The following FGF6 variants were observed in gnomAD, a reference collection of about 807,000 sequenced individuals.
The protein encoded by FGF6 is fibroblast growth factor 6, also known as FGF-6.
In FGF6, 14 loss-of-function variants were observed where a neutral mutation model predicts 18.4. The ratio of observed to expected loss-of-function variants is 0.76; its 90% CI spans 0.50 to 1.19. FGF6 has a LOEUF of 1.19. Ranked by LOEUF, FGF6 falls within the 50% of genes most tolerant of loss-of-function variation. FGF6 has a pLI of 0.00. For missense variants in FGF6, 266 were observed against 271.6 expected, an observed-to-expected ratio of 0.98 and a Z score of 0.15; for synonymous variants, 125 against 116.7, an observed-to-expected ratio of 1.07 and a Z score of -0.46.
At chr12:4,442,894 C>T (rs1260825237) in intron 2 of FGF6, among the ~76,000 whole-genome samples, 1 of 152,238 alleles carries the variant, frequency 6.6e-6, no homozygotes, top group Non-Finnish European at 1.5e-5. Context: ...GCCTGTTCCT[C>T]AGAAACACCT....
chr12:4,439,880 T>G (rs952082710), intron 2 of FGF6, among the ~76,000 whole-genome samples: 1 of 152,196 alleles, frequency 6.6e-6, no homozygotes, highest in African/African-American at 2.4e-5. Context: ...TCTGTGGGGT[T>G]TGGAAGGCCA....
rs756639377 is a variant in FGF6 at position 4,434,263 on chromosome 12, G to C, written c.579C>G (p.Ser193Arg). Residue 193 changes from serine (S) to arginine (R), a missense_variant, in exon 3 of 3, where the codon AGC becomes AGG. Ser to Arg is a moderately radical substitution (Grantham distance 110). Transcript: ENST00000228837. ...LSKYGRVKRG[S>R]KVSPIMTVTH... ...TGACAGTCATGATCGGGGACACCTTGCTGCCCCGCTTTACCCGTCCGTATT... is the reference window on the plus strand; with the variant it reads ...TGACAGTCATGATCGGGGACACCTTCCTGCCCCGCTTTACCCGTCCGTATT... 13 of 1,614,218 alleles carry C rather than the reference G, an allele frequency of 8.1e-6. No individual in the cohort carries two copies. The South Asian group carries it at 1.3e-4, about 16-fold the overall frequency.
intron 2 of FGF6, among the ~76,000 whole-genome samples, chr12:4,440,348 C>T (rs995379169): frequency 1.3e-5 from 2 of 152,184 alleles, no homozygotes; most frequent in Non-Finnish European, 2.9e-5. Context: ...GCCTTTAGAG[C>T]TAAGTCACTT....
intron 1 of FGF6, among the ~76,000 whole-genome samples, chr12:4,444,921 C>T (rs1334159248): frequency 6.6e-6 from 1 of 152,220 alleles, no homozygotes; most frequent in East Asian, 1.9e-4. Flanking sequence ...CTACCCAGGC[C>T]TTGGGGGCTT....
At chr12:4,437,972 A>C (rs1446589715) in intron 2 of FGF6, among the ~76,000 whole-genome samples, 1 of 152,206 alleles carries the variant, frequency 6.6e-6, no homozygotes, top group Non-Finnish European at 1.5e-5. Context: ...TACTTGAAAA[A>C]TATTACCTTA....
rs561638090 is a variant in FGF6 at position 4,440,771 on chromosome 12, T to C, written c.450+3362A>G. On this transcript the variant is annotated intron_variant, in intron 2 of 2. Coordinates refer to ENST00000228837, the MANE Select transcript of FGF6 (RefSeq NM_020996.3). ...CACCTCCCGCTGCTCTCCAGCCCCA[T>C]CTCCCAGCACTTCCTCATGGTGGGT... 2.0e-5 allele frequency among the ~76,000 whole-genome samples: 3 copies of C among 152,300 alleles called. No homozygotes were observed. In the South Asian group the frequency reaches 6.2e-4, roughly 32 times the overall value.
intron 1 of FGF6, among the ~76,000 whole-genome samples, chr12:4,444,954 G>A (rs1434019045): frequency 6.6e-6 from 1 of 152,110 alleles, no homozygotes; most frequent in Non-Finnish European, 1.5e-5. Context: ...GTTCCTAATG[G>A]TCTTACAAGG....
Position 4,445,529 on chromosome 12 carries a change from TC to T in FGF6, c.41del (p.Gly14GlufsTer15). On this transcript the variant is annotated frameshift_variant, in exon 1 of 3. Coordinates refer to ENST00000228837, the MANE Select transcript of FGF6 (RefSeq NM_020996.3). LOFTEE classifies it high-confidence loss of function. This position sits in a 1 kb window ranked among gnomAD's most constrained non-coding sequence, Gnocchi z 5.5. ...GQKLFITMSR[G>X]AGRLQGTLWA... ...ACAGCGTGCCCTGCAGACGTCCTGC[TC>T]CCCGGGACATAGTGATGAACAGTTT... The T allele has an allele frequency of 6.2e-7, 1 of 1,609,730 alleles. No individual in the cohort carries two copies.
At chr12:4,434,649 T>C (rs1301625776) in intron 2 of FGF6, among the ~76,000 whole-genome samples, 3 of 152,152 alleles carry the variant, frequency 2.0e-5, no homozygotes, top group Non-Finnish European at 2.9e-5. Context: ...ACACAGGGGA[T>C]GGTCTGTGCC....
At chr12:4,438,022 C>T (rs946238798) in intron 2 of FGF6, among the ~76,000 whole-genome samples, 14 of 151,976 alleles carry the variant, frequency 9.2e-5, no homozygotes, top group African/African-American at 3.1e-4. Context: ...AAAATACATA[C>T]AATACACATA....
At chr12:4,443,987 G>T (rs1242787379) in intron 2 of FGF6, 146 bp downstream of exon 2, 25 of 599,730 alleles carry the variant, frequency 4.2e-5, no homozygotes, top group Middle Eastern at 2.7e-4. Context: ...AAGCTGCAAG[G>T]CCCCTCCCTT....
chr12:4,441,862 G>A (rs988689680), intron 2 of FGF6, among the ~76,000 whole-genome samples: 2 of 152,044 alleles, frequency 1.3e-5, no homozygotes, highest in African/African-American at 2.4e-5. Context: ...CTGTGATAAC[G>A]GCCTCTGAGG....
chr12:4,434,241 C>T lies in FGF6; in HGVS notation c.601G>A (p.Val201Ile), dbSNP rs775289727. Residue 201 changes from valine (V) to isoleucine (I), a missense_variant, in exon 3 of 3, where the codon GTC becomes ATC. Val to Ile is a conservative substitution (Grantham distance 29, BLOSUM62 3). Coordinates refer to ENST00000228837, the MANE Select transcript of FGF6 (RefSeq NM_020996.3). ...RGSKVSPIMT[V>I]THFLPRI ...TAGATCCTGGGAAGGAAATGAGTGA[C>T]AGTCATGATCGGGGACACCTTGCTG... 1 of 1,614,162 alleles carries T rather than the reference C, an allele frequency of 6.2e-7. No homozygotes were observed. The highest frequency in any genetic ancestry group is 1.7e-4 in the Middle Eastern group (1 of 6,018).
intron 2 of FGF6, among the ~76,000 whole-genome samples, chr12:4,441,841 GT>G (rs985672462): frequency 2.0e-5 from 3 of 152,066 alleles, no homozygotes; most frequent in Admixed American, 6.5e-5. Context: ...GTTGGCAATT[GT>G]TTTTTTAGAC....
chr12:4,441,814 C>T (rs552166933), intron 2 of FGF6, among the ~76,000 whole-genome samples: 1 of 152,122 alleles, frequency 6.6e-6, no homozygotes, highest in African/African-American at 2.4e-5. Context: ...CAGGAGTCTT[C>T]CTGGCTCCGG....
chr12:4,445,559 T>C lies in FGF6; in HGVS notation c.12A>G (p.Gly4=). 6.3e-7 allele frequency: 1 copy of C among 1,587,658 alleles called. No homozygotes were observed. The highest frequency in any genetic ancestry group is 8.6e-7 in the Non-Finnish European group (1 of 1,164,498). ...GGGACATAGTGATGAACAGTTTCTG[T>C]CCCAGGGCCATCCACCTTGCCTCTC... MAL[G]QKLFITMSRG... Residue 4 remains glycine, a synonymous_variant, in exon 1 of 3, where the codon GGA becomes GGG. Transcript: ENST00000228837. This position sits in a 1 kb window ranked among gnomAD's most constrained non-coding sequence, Gnocchi z 5.5.
At chr12:4,437,981 TAAA>T (rs1372768397) in intron 2 of FGF6, among the ~76,000 whole-genome samples, 1 of 151,752 alleles carries the variant, frequency 6.6e-6, no homozygotes, top group Non-Finnish European at 1.5e-5. Context: ...AATATTACCT[TAAA>T]AGAAGAACAG....
Position 4,445,219 on chromosome 12 carries a change from A to T in FGF6, c.346+6T>A, listed in dbSNP as rs1291596814. ...AGCGTCCCGACTGGCTGCAGCTGGC[A>T]CTCACTGTAGGGGTTCTCCTCGTGG... On this transcript the variant is annotated splice_donor_region_variant and intron_variant, in intron 1 of 2. Coordinates refer to ENST00000228837, the MANE Select transcript of FGF6 (RefSeq NM_020996.3). The surrounding 1 kb of genome is among the most constrained non-coding windows in gnomAD (Gnocchi z 5.5). The T allele has an allele frequency of 1.2e-6, 2 of 1,602,306 alleles. No homozygotes were observed. The highest frequency in any genetic ancestry group is 1.3e-5 in the African/African-American group (1 of 74,496).
chr12:4,445,555 T>C lies in FGF6; in HGVS notation c.16A>G (p.Lys6Glu), dbSNP rs761528202. The change falls in exon 1 of 3, where the codon AAA becomes GAA. Residue 6 changes from lysine (K) to glutamate (E), a missense_variant. By Grantham distance (56) the Lys-to-Glu change is moderately conservative. Transcript: ENST00000228837. This position sits in a 1 kb window ranked among gnomAD's most constrained non-coding sequence, Gnocchi z 5.5. MALGQ[K>E]LFITMSRGAG... ...CCCCGGGACATAGTGATGAACAGTTTCTGTCCCAGGGCCATCCACCTTGCC... is the reference window on the plus strand; with the variant it reads ...CCCCGGGACATAGTGATGAACAGTTCCTGTCCCAGGGCCATCCACCTTGCC... 6.3e-7 allele frequency: 1 copy of C among 1,596,668 alleles called. No homozygotes were observed. The highest frequency in any genetic ancestry group is 8.5e-7 in the Non-Finnish European group (1 of 1,170,366).
Sources: gnomAD v4.1 joint callset for allele counts (sites outside exome capture counted in the v4.1 genomes callset) on GRCh38, gnomAD v4.1.1 for gene constraint, Gnocchi (gnomAD v3.1) non-coding constraint, MANE v1.5 for transcripts, NCBI Gene and HGNC (gene_info 2026-07-23, HGNC 2026-07-21) for gene names.